Variants in NRG1 observed in about 807,000 individuals in gnomAD.
NRG1 encodes neuregulin 1.
Under a neutral mutation model 63.8 loss-of-function variants are expected in NRG1, and 18 were observed. The observed-to-expected ratio is 0.28, with a 90% CI of 0.19 to 0.42. The LOEUF (loss-of-function observed/expected upper bound fraction) is 0.42, where lower values mean the gene tolerates loss of function less well. NRG1 is among the 10% of genes least tolerant of loss of function. NRG1 has a pLI of 1.00. For synonymous variants in NRG1, 302 were observed against 301.3 expected, an observed-to-expected ratio of 1.00 and a Z score of -0.02; for missense variants, 762 against 814.7, an observed-to-expected ratio of 0.94 and a Z score of 0.79.
At chr8:31,764,840 T>C (rs999009639) in intron 1 of NRG1, among the ~76,000 whole-genome samples, 2 of 151,170 alleles carry the variant, frequency 1.3e-5, no homozygotes, top group African/African-American at 2.4e-5. Flanking sequence ...CTGCACCCAC[T>C]AACTCGTCAT....
chr8:32,087,411 A>G (rs1285893125), intron 1 of NRG1, among the ~76,000 whole-genome samples: 1 of 151,762 alleles, frequency 6.6e-6, no homozygotes, highest in Non-Finnish European at 1.5e-5. Flanking sequence ...GTGGTACAGC[A>G]TGCAGGACTG....
intron 1 of NRG1, among the ~76,000 whole-genome samples, chr8:31,648,246 G>C (rs1366003871): frequency 1.4e-5 from 2 of 142,872 alleles, no homozygotes; most frequent in Non-Finnish European, 3.0e-5. Context: ...CCATTCTCCT[G>C]CCTCAGCCTC....
At chr8:31,837,597 G>A (rs892888809) in intron 1 of NRG1, among the ~76,000 whole-genome samples, 28 of 151,876 alleles carry the variant, frequency 1.8e-4, no homozygotes, top group African/African-American at 6.8e-4. Flanking sequence ...TCCTTTCTAT[G>A]TAACTATATC....
chr8:32,156,755 A>G (rs553759851), intron 1 of NRG1, among the ~76,000 whole-genome samples: 7 of 152,290 alleles, frequency 4.6e-5, no homozygotes, highest in African/African-American at 1.7e-4. Context: ...TGGCTAACAT[A>G]ATGAGACCCA....
intron 1 of NRG1, among the ~76,000 whole-genome samples, chr8:31,777,162 C>T (rs891146095): frequency 2.0e-5 from 3 of 152,208 alleles, no homozygotes; most frequent in African/African-American, 2.4e-5. Context: ...GATTTGACTA[C>T]TGGATGTCTG....
chr8:32,189,922 G>C (rs951431479), intron 1 of NRG1, among the ~76,000 whole-genome samples: 14 of 152,170 alleles, frequency 9.2e-5, no homozygotes, highest in African/African-American at 3.4e-4. Context: ...GACATCATCA[G>C]TGCTCATGTT....
intron 1 of NRG1, among the ~76,000 whole-genome samples, chr8:32,371,215 A>G (rs1029787983): frequency 2.0e-5 from 3 of 152,206 alleles, no homozygotes; most frequent in Admixed American, 6.5e-5. Flanking sequence ...CTGTCTCAAA[A>G]CAAAACAGAA....
chr8:32,244,345 T>A (rs1848411991), intron 1 of NRG1, among the ~76,000 whole-genome samples: 1 of 152,180 alleles, frequency 6.6e-6, no homozygotes, highest in Admixed American at 6.5e-5. Context: ...AATCTAAATA[T>A]TGAGTCTTGG....
intron 1 of NRG1, among the ~76,000 whole-genome samples, chr8:32,359,047 C>T (rs928404734): frequency 1.3e-5 from 2 of 151,986 alleles, no homozygotes; most frequent in African/African-American, 4.8e-5. Context: ...GGGTGAATAG[C>T]CCTCCTTGTA....
chr8:31,719,982 A>G (rs1285654379), intron 1 of NRG1, among the ~76,000 whole-genome samples: 1 of 152,088 alleles, frequency 6.6e-6, no homozygotes, highest in Non-Finnish European at 1.5e-5. Context: ...GGGAGGGTAA[A>G]CACTGCACTC....
chr8:32,498,811 T>C (rs999341473), intron 1 of NRG1, among the ~76,000 whole-genome samples: 1 of 152,194 alleles, frequency 6.6e-6, no homozygotes, highest in Non-Finnish European at 1.5e-5. Flanking sequence ...AGGGCACCTA[T>C]CTCAAAGAGA....
At chr8:31,722,803 G>T (rs576506409) in intron 1 of NRG1, among the ~76,000 whole-genome samples, 92 of 152,218 alleles carry the variant, frequency 6.0e-4, no homozygotes, top group Non-Finnish European at 4.4e-4. Flanking sequence ...AATGTCAGAT[G>T]CCTTTGCCAT....
At chr8:32,061,293 T>A (rs1823812601) in intron 1 of NRG1, among the ~76,000 whole-genome samples, 1 of 151,964 alleles carries the variant, frequency 6.6e-6, no homozygotes, top group Non-Finnish European at 1.5e-5. Context: ...ACCAGACCAG[T>A]AGTCAATTAT....
At chr8:32,754,174 T>A (rs1829243957) in intron 7 of NRG1, among the ~76,000 whole-genome samples, 198 bp from the exon 8 acceptor site, 1 of 152,234 alleles carries the variant, frequency 6.6e-6, no homozygotes, top group Non-Finnish European at 1.5e-5. Flanking sequence ...TGGCCCCAGC[T>A]GGCTTTTTTA....
intron 1 of NRG1, among the ~76,000 whole-genome samples, chr8:32,003,042 A>G (rs1458994509): frequency 6.6e-6 from 1 of 152,048 alleles, no homozygotes; most frequent in African/African-American, 2.4e-5. Flanking sequence ...TTTATCAACT[A>G]GAGAGTTTGA....
chr8:32,275,110 T>C (rs189298751), intron 1 of NRG1, among the ~76,000 whole-genome samples: 2 of 152,096 alleles, frequency 1.3e-5, no homozygotes, highest in African/African-American at 2.4e-5. Flanking sequence ...TCCCACAACA[T>C]TGAACAGAGG....
chr8:32,760,832 A>G, intron 11 of NRG1: 1 of 1,014,144 alleles, frequency 9.9e-7, no homozygotes, highest in Non-Finnish European at 1.2e-6. Context: ...TCGTGTTCTT[A>G]TCTGCTAACC....
intron 1 of NRG1, among the ~76,000 whole-genome samples, chr8:32,078,005 G>C (rs917321339): frequency 6.6e-6 from 1 of 152,160 alleles, no homozygotes; most frequent in Non-Finnish European, 1.5e-5. Context: ...AATTGTAATT[G>C]GCCATATAGT....
At chr8:32,314,439 T>C (rs1244491544) in intron 1 of NRG1, among the ~76,000 whole-genome samples, 1 of 17,324 alleles carries the variant, frequency 5.8e-5, no homozygotes, top group Non-Finnish European at 9.3e-5. Flanking sequence ...GGAATGGCGG[T>C]CCTCGCGTGA....
Sources: allele counts gnomAD v4.1 joint callset (sites outside exome capture counted in the v4.1 genomes callset), GRCh38; gene constraint gnomAD v4.1.1; transcripts MANE v1.5; gene names NCBI Gene and HGNC (gene_info 2026-07-23, HGNC 2026-07-21).